Variants in PTPN13 observed in about 807,000 individuals in gnomAD.
The protein encoded by PTPN13 is tyrosine-protein phosphatase non-receptor type 13.
In PTPN13, 191 loss-of-function variants were observed where a neutral mutation model predicts 284.0. The ratio of observed to expected loss-of-function variants is 0.67; its 90% CI spans 0.60 to 0.76. PTPN13 has a LOEUF of 0.76. Ranked by LOEUF, PTPN13 falls within the 30% of genes least tolerant of loss-of-function variation. The pLI is 0.00. For synonymous variants in PTPN13, 986 were observed against 1,022.3 expected, an observed-to-expected ratio of 0.96 and a Z score of 0.68; for missense variants, 2,797 against 2,939.9, an observed-to-expected ratio of 0.95 and a Z score of 1.12.
intron 1 of PTPN13, among the ~76,000 whole-genome samples, chr4:86,619,415 C>A (rs1720965434): frequency 6.6e-6 from 1 of 152,018 alleles, no homozygotes; most frequent in African/African-American, 2.4e-5. Context: ...TTGATATTAC[C>A]AATTTCCATT....
At chr4:86,672,333 T>A (rs1181998975) in intron 2 of PTPN13, 32 bp from the exon 3 acceptor site, 9 of 1,484,504 alleles carry the variant, frequency 6.1e-6, no homozygotes, top group Non-Finnish European at 8.1e-6. Flanking sequence ...TTCTTTTTTT[T>A]TATTTTTTAT....
chr4:86,607,785 G>A lies in PTPN13; in HGVS notation c.-6+12996G>A, dbSNP rs1001139735. The stretch of plus-strand genomic sequence containing the variant: ...GAGCTTTTAAAACAGTTCTTGCAAT[G>A]ATATATTTTCCTTTTAGCTTTTCTT... On this transcript the variant is annotated intron_variant, in intron 1 of 47. Coordinates refer to ENST00000411767, the MANE Select transcript of PTPN13 (RefSeq NM_080683.3). 3.9e-5 allele frequency among the ~76,000 whole-genome samples: 6 copies of A among 152,098 alleles called. No homozygotes were observed. In the South Asian group the frequency reaches 1.2e-3, roughly 32 times the overall value.
intron 16 of PTPN13, among the ~76,000 whole-genome samples, chr4:86,743,710 G>T (rs1288985107): frequency 6.6e-6 from 1 of 152,112 alleles, no homozygotes; most frequent in African/African-American, 2.4e-5. Context: ...AATAAGAAAA[G>T]TCCATTGAAA....
At chr4:86,710,031 A>G (rs1003946104) in intron 7 of PTPN13, among the ~76,000 whole-genome samples, 1 of 152,200 alleles carries the variant, frequency 6.6e-6, no homozygotes, top group Admixed American at 6.5e-5. Context: ...GTGGTGTAAT[A>G]TGGAATACAG....
intron 2 of PTPN13, among the ~76,000 whole-genome samples, chr4:86,667,939 A>G (rs1310244481): frequency 6.6e-6 from 1 of 152,278 alleles, no homozygotes; most frequent in Non-Finnish European, 1.5e-5. Context: ...AAATAAGGGG[A>G]CAATCTAAAG....
intron 3 of PTPN13, among the ~76,000 whole-genome samples, chr4:86,684,676 A>G (rs1729250711): frequency 6.6e-6 from 1 of 152,172 alleles, no homozygotes; most frequent in Non-Finnish European, 1.5e-5. Context: ...ACTAATTTCT[A>G]AAGAGGATTT....
intron 17 of PTPN13, among the ~76,000 whole-genome samples, chr4:86,748,704 G>A (rs1486647979): frequency 6.6e-6 from 1 of 152,098 alleles, no homozygotes; most frequent in Non-Finnish European, 1.5e-5. Context: ...TGCTCAGGCT[G>A]GAGTGCAGTG....
chr4:86,629,127 CA>C, intron 1 of PTPN13, among the ~76,000 whole-genome samples: 1 of 150,256 alleles, frequency 6.7e-6, no homozygotes. Flanking sequence ...AGCTTCTGCA[CA>C]GCAAAAGAAA....
At chr4:86,612,231 A>G (rs1467630989) in intron 1 of PTPN13, among the ~76,000 whole-genome samples, 1 of 152,216 alleles carries the variant, frequency 6.6e-6, no homozygotes, top group Non-Finnish European at 1.5e-5. Context: ...GCATCCGGTA[A>G]TTTTCAGGCA....
At chr4:86,730,215 G>A (rs981501732) in intron 10 of PTPN13, among the ~76,000 whole-genome samples, 2 of 149,566 alleles carry the variant, frequency 1.3e-5, no homozygotes, top group African/African-American at 4.9e-5. Flanking sequence ...TCCCAGAGGG[G>A]CACCCAACCG....
chr4:86,783,674 T>C (rs1741584252), intron 37 of PTPN13, among the ~76,000 whole-genome samples: 1 of 152,108 alleles, frequency 6.6e-6, no homozygotes, highest in African/African-American at 2.4e-5. Context: ...AAAATTCTAT[T>C]GCATCTACCA....
chr4:86,686,410 G>A (rs1729463984), intron 3 of PTPN13, among the ~76,000 whole-genome samples: 1 of 151,908 alleles, frequency 6.6e-6, no homozygotes, highest in Admixed American at 6.6e-5. Flanking sequence ...TTTTATGAAA[G>A]GAGGAAATAA....
chr4:86,764,689 G>C lies in PTPN13; in HGVS notation c.4114G>C (p.Ala1372Pro), dbSNP rs1341640536. Residue 1372 changes from alanine to proline, a missense_variant, in exon 25 of 48, where the codon GCT becomes CCT. Coordinates refer to ENST00000411767, the MANE Select transcript of PTPN13 (RefSeq NM_080683.3). ...KPGDIFEVEL[A>P]KNDNSLGISV... ...TGGAGATATCTTTGAGGTTGAACTGGCTAAAAATGATAACAGCTTGGGGAT... is the reference window on the plus strand; with the variant it reads ...TGGAGATATCTTTGAGGTTGAACTGCCTAAAAATGATAACAGCTTGGGGAT... 2 of 1,605,918 alleles carry C rather than the reference G, an allele frequency of 1.2e-6. No homozygotes were observed. Among genetic ancestry groups the C allele is most frequent in the African/African-American group, 1.3e-5 (1 of 74,498 alleles).
At chr4:86,643,905 T>C (rs1578321857) in intron 2 of PTPN13, among the ~76,000 whole-genome samples, 2 of 152,124 alleles carry the variant, frequency 1.3e-5, no homozygotes, top group Admixed American at 1.3e-4. Context: ...AGTTTAAAAA[T>C]TGATAACACT....
intron 2 of PTPN13, among the ~76,000 whole-genome samples, chr4:86,659,979 G>A (rs2148845168): frequency 6.6e-6 from 1 of 152,252 alleles, no homozygotes; most frequent in South Asian, 2.1e-4. Flanking sequence ...TATGAAAACT[G>A]TGAGTACTTA....
At chr4:86,780,210 G>A (rs150347260) in intron 35 of PTPN13, among the ~76,000 whole-genome samples, 192 bp from the exon 36 acceptor site, 7 of 151,944 alleles carry the variant, frequency 4.6e-5, no homozygotes, top group Non-Finnish European at 8.8e-5. Context: ...ACCAGCCTGG[G>A]CAACATGAAA....
intron 2 of PTPN13, among the ~76,000 whole-genome samples, chr4:86,660,809 C>T (rs1178428477): frequency 6.6e-6 from 1 of 152,094 alleles, no homozygotes; most frequent in African/African-American, 2.4e-5. Flanking sequence ...ACAGTCAATA[C>T]ACTGTGTTTT....
At chr4:86,709,212 A>G (rs1029598497) in intron 7 of PTPN13, among the ~76,000 whole-genome samples, 6 of 152,116 alleles carry the variant, frequency 3.9e-5, no homozygotes, top group East Asian at 3.9e-4. Context: ...TCACACAGCA[A>G]TCTGCCTTAA....
At chr4:86,770,039 T>C (rs1739801592) in intron 29 of PTPN13, 56 bp downstream of exon 29, 2 of 1,611,930 alleles carry the variant, frequency 1.2e-6, no homozygotes, top group East Asian at 4.5e-5. Context: ...GATTGGCCTT[T>C]CAGAATGGTT....
Sources: gnomAD v4.1 joint callset for allele counts (sites outside exome capture counted in the v4.1 genomes callset) on GRCh38, gnomAD v4.1.1 for gene constraint, MANE v1.5 for transcripts, NCBI Gene and HGNC (gene_info 2026-07-23, HGNC 2026-07-21) for gene names.